The following ERCC6L2 variants were observed in gnomAD, a reference collection of about 807,000 sequenced individuals.
ERCC6L2 encodes the protein DNA excision repair protein ERCC-6-like 2.
ERCC6L2 carries 77 observed loss-of-function variants against 132.0 expected under a neutral mutation model. The ratio of observed to expected loss-of-function variants is 0.58; its 90% CI spans 0.49 to 0.71. The LOEUF is 0.71. ERCC6L2 is among the 30% of genes least tolerant of loss of function. The probability of loss-of-function intolerance (pLI) is 0.00; values close to 1 mark genes in which losing one functional copy is unlikely to be tolerated. For missense variants in ERCC6L2, 1,542 were observed against 1,837.6 expected, an observed-to-expected ratio of 0.84 and a Z score of 2.94; for synonymous variants, 583 against 632.4, an observed-to-expected ratio of 0.92 and a Z score of 1.17.
chr9:95,894,885 T>C (rs1239722709), intron 2 of ERCC6L2, among the ~76,000 whole-genome samples: 1 of 152,152 alleles, frequency 6.6e-6, no homozygotes, highest in Non-Finnish European at 1.5e-5. Context: ...CGTGAGCCAC[T>C]GCACCAGGCC....
rs192500740 is a variant in ERCC6L2 at position 95,963,197 on chromosome 9, T to C, written c.1948-3365T>C. On this transcript the variant is annotated intron_variant, in intron 13 of 18. Coordinates refer to ENST00000653738, the MANE Select transcript of ERCC6L2 (RefSeq NM_020207.7). ...TGTGTGTGTAAATTTTATTTGTAAG[T>C]GTTTGCAGAAGAATTGCAAGAACAG... Among the ~76,000 whole-genome samples the C allele has an allele frequency of 2.3e-4, 35 of 151,968 alleles. No homozygotes were observed. In the East Asian group the frequency reaches 6.6e-3, roughly 29 times the overall value.
rs558010113 is a variant in ERCC6L2, at chr9:96,016,670, G to A, written c.*3467G>A. On this transcript the variant is annotated 3_prime_UTR_variant, in exon 19 of 19. Transcript: ENST00000653738. ...AATGAGAAAGCCACAGGAAATACAC[G>A]GTTATTTTCTAATTAAAGTTCAATG... Among the ~76,000 whole-genome samples the A allele has an allele frequency of 1.2e-4, 18 of 152,238 alleles. No homozygotes were observed. Among genetic ancestry groups the A allele is most frequent in the Admixed American group, 8.5e-4 (13 of 15,292 alleles).
chr9:95,889,827 A>T (rs1320154752), intron 2 of ERCC6L2, among the ~76,000 whole-genome samples: 2 of 152,204 alleles, frequency 1.3e-5, no homozygotes, highest in Non-Finnish European at 2.9e-5. Flanking sequence ...CATAACTTTA[A>T]AAATATTTAT....
At chr9:95,893,102 T>C (rs2132577592) in intron 2 of ERCC6L2, among the ~76,000 whole-genome samples, 1 of 152,310 alleles carries the variant, frequency 6.6e-6, no homozygotes, top group East Asian at 1.9e-4. Context: ...AAATATACAT[T>C]CTCAACTTCT....
chr9:96,001,257 C>T (rs1050766363), intron 17 of ERCC6L2, among the ~76,000 whole-genome samples: 8 of 152,136 alleles, frequency 5.3e-5, no homozygotes, highest in African/African-American at 1.2e-4. Context: ...GAAGGGGACC[C>T]GAGCGGGTTG....
At chr9:96,002,378 G>A (rs920522504) in intron 17 of ERCC6L2, among the ~76,000 whole-genome samples, 1 of 150,860 alleles carries the variant, frequency 6.6e-6, no homozygotes, top group African/African-American at 2.4e-5. Context: ...TTTTCTTTTG[G>A]TGGATAGGAT....
intron 17 of ERCC6L2, among the ~76,000 whole-genome samples, chr9:96,002,042 T>C (rs1231057393): frequency 3.9e-5 from 6 of 152,368 alleles, no homozygotes; most frequent in South Asian, 2.1e-4. Context: ...CACGCCCACC[T>C]GGAACTCCAG....
intron 12 of ERCC6L2, among the ~76,000 whole-genome samples, chr9:95,947,284 T>C (rs979241743): frequency 6.6e-6 from 1 of 152,208 alleles, no homozygotes; most frequent in African/African-American, 2.4e-5. Context: ...TTTAGTGGTC[T>C]GGATCAAAGA....
At chr9:95,896,426 T>A (rs1828469495) in intron 2 of ERCC6L2, among the ~76,000 whole-genome samples, 1 of 126,654 alleles carries the variant, frequency 7.9e-6, no homozygotes, top group South Asian at 2.5e-4. Context: ...TTTTTGATTT[T>A]TTTTTTTTAT....
intron 11 of ERCC6L2, among the ~76,000 whole-genome samples, chr9:95,940,466 G>A (rs1180236351): frequency 6.6e-6 from 1 of 151,882 alleles, no homozygotes; most frequent in Non-Finnish European, 1.5e-5. Flanking sequence ...CAGTTTTTTT[G>A]GATTTCAGAT....
intron 2 of ERCC6L2, among the ~76,000 whole-genome samples, chr9:95,886,540 T>C (rs1827878944): frequency 6.6e-6 from 1 of 152,202 alleles, no homozygotes; most frequent in South Asian, 2.1e-4. Flanking sequence ...TACTGCCTTC[T>C]TTTGACTTAA....
rs927234534 is a variant in ERCC6L2 at position 96,017,539 on chromosome 9, C to T, written c.*4336C>T. ...AGAGACTGAATCAGGGGGTCTAGGG[C>T]TCAGCACAGGCACCCTTTTTGTTTT... On this transcript the variant is annotated 3_prime_UTR_variant, in exon 19 of 19. Transcript: ENST00000653738. Among the ~76,000 whole-genome samples the T allele has an allele frequency of 7.9e-5, 12 of 152,196 alleles. No homozygotes were observed. The highest frequency in any genetic ancestry group is 2.9e-4 in the African/African-American group (12 of 41,458).
intron 11 of ERCC6L2, among the ~76,000 whole-genome samples, chr9:95,937,287 A>G (rs1350276006): frequency 6.6e-5 from 10 of 152,132 alleles, no homozygotes; most frequent in Admixed American, 6.6e-4. Flanking sequence ...AACATTTGCT[A>G]TCGTCACTAT....
At chr9:95,994,659 G>A (rs1020103126) in intron 17 of ERCC6L2, among the ~76,000 whole-genome samples, 1 of 152,210 alleles carries the variant, frequency 6.6e-6, no homozygotes, top group Non-Finnish European at 1.5e-5. Flanking sequence ...ATGAGCAGGG[G>A]AGAATGAATC....
At chr9:96,011,706 T>C (rs1299310950) in intron 18 of ERCC6L2, among the ~76,000 whole-genome samples, 1 of 152,230 alleles carries the variant, frequency 6.6e-6, no homozygotes, top group East Asian at 1.9e-4. Flanking sequence ...GAACTTTCCT[T>C]TGGGCTCATC....
intron 19 of ERCC6L2, among the ~76,000 whole-genome samples, chr9:96,037,387 T>G (rs1259801265): frequency 1.3e-5 from 2 of 152,216 alleles, no homozygotes; most frequent in Non-Finnish European, 2.9e-5. Context: ...GGGCCTTGCC[T>G]GAGTCAGCAG....
chr9:95,927,655 ATT>A (rs879357584), intron 9 of ERCC6L2, among the ~76,000 whole-genome samples: 13 of 152,228 alleles, frequency 8.5e-5, no homozygotes, highest in Non-Finnish European at 1.5e-4. Flanking sequence ...CCTAGATGTA[ATT>A]GAACACATTT....
At chr9:95,997,886 T>C (rs1833524846) in intron 17 of ERCC6L2, among the ~76,000 whole-genome samples, 1 of 152,240 alleles carries the variant, frequency 6.6e-6, no homozygotes, top group Non-Finnish European at 1.5e-5. Context: ...GTTATAATTG[T>C]CACTACAATA....
At chr9:95,958,529 C>T (rs546489666) in intron 13 of ERCC6L2, among the ~76,000 whole-genome samples, 2,114 of 152,222 alleles carry the variant, frequency 0.014, 18 homozygotes, top group South Asian at 0.024. Context: ...TGTTTCCTGA[C>T]TTTTTAATGA....
Sources: gnomAD v4.1 joint callset for allele counts (sites outside exome capture counted in the v4.1 genomes callset) on GRCh38, gnomAD v4.1.1 for gene constraint, MANE v1.5 for transcripts, NCBI Gene and HGNC (gene_info 2026-07-23, HGNC 2026-07-21) for gene names.